Variants in ATL1 observed in about 807,000 individuals in gnomAD.
ATL1 encodes atlastin-1.
A neutral mutation model predicts 75.5 loss-of-function variants in ATL1; 31 were observed. That is an observed-to-expected ratio of 0.41 (90% CI 0.31 to 0.55). The LOEUF (loss-of-function observed/expected upper bound fraction) is 0.55, where lower values mean the gene tolerates loss of function less well. Ranked by LOEUF, ATL1 falls within the 20% of genes least tolerant of loss-of-function variation. The pLI, the probability that ATL1 is intolerant of heterozygous loss-of-function variation, is 0.27. For missense variants in ATL1, 405 were observed against 662.6 expected, an observed-to-expected ratio of 0.61 and a Z score of 4.27; for synonymous variants, 226 against 233.3, an observed-to-expected ratio of 0.97 and a Z score of 0.28.
chr14:50,573,439 T>C (rs190323965), intron 1 of ATL1, among the ~76,000 whole-genome samples: 72 of 152,334 alleles, frequency 4.7e-4, no homozygotes, highest in African/African-American at 1.6e-3. Context: ...TCCTTAATTT[T>C]TGATTGATTT....
At position 50,537,436 on chromosome 14, in the gene ATL1, C is replaced by T. The variant is rs900700985; in HGVS notation, c.-140+4069C>T. Among the ~76,000 whole-genome samples the T allele has an allele frequency of 2.0e-5, 3 of 152,300 alleles. No individual in the cohort carries two copies. In the South Asian group the frequency reaches 6.2e-4, roughly 32 times the overall value. On this transcript the variant is annotated intron_variant, in intron 1 of 13. Transcript: ENST00000441560. ...GTGGTGCGAAAGGGAAATGTGGGGT[C>T]AGAGCCCCCAGACAGAGTTCCTACT...
rs372801977 is a variant in ATL1 at position 50,575,410 on chromosome 14, A to G, written c.35-12421A>G. On this transcript the variant is annotated intron_variant, in intron 1 of 13. Coordinates refer to ENST00000358385, the MANE Select transcript of ATL1 (RefSeq NM_015915.5). ...TCTGTACGGAAGTGTTTTGAGATCT[A>G]TTACATATAATCCCATATCTCTACT... Among the ~76,000 whole-genome samples the G allele has an allele frequency of 2.0e-4, 30 of 152,284 alleles. 1 individual carries two copies. The South Asian group carries it at 3.9e-3, about 20-fold the overall frequency.
At chr14:50,627,574 A>G (rs1293942983) in intron 11 of ATL1, among the ~76,000 whole-genome samples, 1 of 152,224 alleles carries the variant, frequency 6.6e-6, no homozygotes, top group Non-Finnish European at 1.5e-5. Context: ...CTGCTAAAGA[A>G]TGTATTTCAC....
intron 11 of ATL1, among the ~76,000 whole-genome samples, chr14:50,625,296 A>G (rs749568551): frequency 5.9e-5 from 9 of 152,208 alleles, no homozygotes; most frequent in Admixed American, 2.0e-4. Context: ...GTTGGAAGCT[A>G]GCAGAGGTTT....
intron 2 of ATL1, 55 bp from the exon 3 acceptor site, chr14:50,590,886 G>T: frequency 2.5e-6 from 4 of 1,577,490 alleles, no homozygotes; most frequent in Non-Finnish European, 3.5e-6. Flanking sequence ...TGAATGAATG[G>T]AAAAAACTAT....
In ATL1 at chr14:50,623,216, G is replaced by A. The variant is rs1288875857; in HGVS notation, c.1087G>A (p.Ala363Thr). ...TAACAATTTAGCAGCCGTGGCAACT[G>A]CCAAGGACACATACAACAAAAAAAT... ...EANNLAAVATAKDTYNKKMEE... is the reference protein window; with the variant it reads ...EANNLAAVATTKDTYNKKMEE... Residue 363 changes from alanine (A) to threonine (T), a missense_variant, in exon 11 of 14, where the codon GCC (alanine) becomes ACC (threonine). By Grantham distance (58) the Ala-to-Thr change is moderately conservative. Around this residue, in one of 5 missense-constraint regions of ATL1, gnomAD observed 163 missense variants for 244.1 expected, o/e 0.67. Transcript: ENST00000358385. 3 of 1,613,838 alleles carry A rather than the reference G, an allele frequency of 1.9e-6. No individual in the cohort carries two copies. Among genetic ancestry groups the A allele is most frequent in the Non-Finnish European group, 2.5e-6 (3 of 1,179,880 alleles).
chr14:50,625,604 C>T (rs554749437), intron 11 of ATL1, among the ~76,000 whole-genome samples: 6 of 152,262 alleles, frequency 3.9e-5, no homozygotes, highest in African/African-American at 1.4e-4. Context: ...ATTTACCATT[C>T]CCCAAATTCT....
intron 1 of ATL1, among the ~76,000 whole-genome samples, chr14:50,548,928 A>G (rs2140156913): frequency 6.6e-6 from 1 of 152,254 alleles, no homozygotes; most frequent in East Asian, 1.9e-4. Context: ...CAGACCACAC[A>G]ATAAAAACTG....
upstream of ATL1, among the ~76,000 whole-genome samples, chr14:50,557,538 A>G (rs2038779078): frequency 6.6e-6 from 1 of 152,212 alleles, no homozygotes; most frequent in Non-Finnish European, 1.5e-5. Flanking sequence ...TTTCACACCT[A>G]CATAACATTC....
At chr14:50,619,176 C>A (rs1044168717) in intron 8 of ATL1, among the ~76,000 whole-genome samples, 2 of 152,204 alleles carry the variant, frequency 1.3e-5, no homozygotes, top group African/African-American at 4.8e-5. Context: ...CCTCAGCCTC[C>A]AGAGTAGCTG....
Position 50,544,692 on chromosome 14 carries a change from G to A in ATL1, c.-140+11325G>A, listed in dbSNP as rs145622495. ...CTCACACTTGTAATCTCAGAGCTTT[G>A]GGAGGCTGAGGTGGGAGGATTGCTT... is the stretch of plus-strand genomic sequence containing the variant. On this transcript the variant is annotated intron_variant, in intron 1 of 13. Transcript: ENST00000441560. 4.6e-3 allele frequency among the ~76,000 whole-genome samples: 699 copies of A among 152,158 alleles called. 8 individuals are homozygous for A. Among genetic ancestry groups the A allele is most frequent in the African/African-American group, 0.016 (668 of 41,494 alleles).
chr14:50,592,421 G>A (rs887788755), intron 4 of ATL1, among the ~76,000 whole-genome samples: 2 of 151,986 alleles, frequency 1.3e-5, no homozygotes, highest in Admixed American at 1.3e-4. Flanking sequence ...CAAGCATAGA[G>A]AATGGAGCTA....
At chr14:50,550,170 A>T (rs2038683960) in intron 1 of ATL1, among the ~76,000 whole-genome samples, 1 of 152,220 alleles carries the variant, frequency 6.6e-6, no homozygotes, top group Admixed American at 6.5e-5. Flanking sequence ...GAGTGGTCAT[A>T]GTGCAGATTG....
intron 1 of ATL1, among the ~76,000 whole-genome samples, chr14:50,570,134 C>A (rs1439817856): frequency 6.6e-6 from 1 of 152,116 alleles, no homozygotes; most frequent in Non-Finnish European, 1.5e-5. Flanking sequence ...ATCTCTCTGC[C>A]ACTTTCTCTT....
At chr14:50,575,880 C>A (rs1566719192) in intron 1 of ATL1, among the ~76,000 whole-genome samples, 1 of 152,098 alleles carries the variant, frequency 6.6e-6, no homozygotes, top group African/African-American at 2.4e-5. Context: ...TGGCTAAATT[C>A]AGTAGCTGAG....
chr14:50,598,778 TA>T (rs1260445122), intron 6 of ATL1, among the ~76,000 whole-genome samples: 1 of 152,174 alleles, frequency 6.6e-6, no homozygotes, highest in African/African-American at 2.4e-5. Context: ...TCAGTGGAAC[TA>T]AACAGTTTAA....
In ATL1 at chr14:50,619,220, A is replaced by AT. The variant is rs888432782; in HGVS notation, c.863-1371dup. Reference sequence around the variant, plus strand: ...GGCATATGCCACCCACGCCTGGCTAATTTTTTTTATTTTTATTTTTAGTAG... The same window carrying AT: ...GGCATATGCCACCCACGCCTGGCTAATTTTTTTTTATTTTTATTTTTAGTAG... On this transcript the variant is annotated intron_variant, in intron 8 of 13. Coordinates refer to ENST00000358385, the MANE Select transcript of ATL1 (RefSeq NM_015915.5). Among the ~76,000 whole-genome samples the AT allele has an allele frequency of 5.9e-5, 9 of 152,012 alleles. 1 individual carries two copies. The highest frequency in any genetic ancestry group is 4.2e-4 in the South Asian group (2 of 4,806).
chr14:50,580,552 T>C (rs985626970), intron 1 of ATL1, among the ~76,000 whole-genome samples: 6 of 152,214 alleles, frequency 3.9e-5, no homozygotes, highest in African/African-American at 1.4e-4. Context: ...CTTGAATTCC[T>C]ATAATAGATA....
intron 1 of ATL1, among the ~76,000 whole-genome samples, chr14:50,537,095 T>C (rs753454117): frequency 8.5e-5 from 13 of 152,266 alleles, no homozygotes; most frequent in South Asian, 2.1e-4. Context: ...CCAGGAGACC[T>C]AGGAGGAAAA....
Sources: gnomAD v4.1 joint callset for allele counts (sites outside exome capture counted in the v4.1 genomes callset) on GRCh38, gnomAD v4.1.1 for gene constraint, gnomAD v4.1.1 regional missense constraint, MANE v1.5 for transcripts, NCBI Gene and HGNC (gene_info 2026-07-23, HGNC 2026-07-21) for gene names.